The following FRMPD2 variants were observed in gnomAD, a reference collection of about 807,000 sequenced individuals.
The protein encoded by FRMPD2 is FERM and PDZ domain containing 2.
A neutral mutation model predicts 140.1 loss-of-function variants in FRMPD2; 96 were observed. That is an observed-to-expected ratio of 0.69 (90% CI 0.58 to 0.81). The LOEUF is 0.81. Among genes scored for constraint, FRMPD2 ranks in the 40% least tolerant of loss-of-function variants. FRMPD2 has a pLI of 0.00. For missense variants in FRMPD2, 1,240 were observed against 1,447.4 expected, an observed-to-expected ratio of 0.86 and a Z score of 2.32; for synonymous variants, 449 against 547.6, an observed-to-expected ratio of 0.82 and a Z score of 2.52.
intron 16 of FRMPD2, 22 bp from the exon 17 acceptor site, chr10:48,187,314 G>A: frequency 6.2e-7 from 1 of 1,606,464 alleles, no homozygotes; most frequent in Non-Finnish European, 8.5e-7. Context: ...AGAAAATGAG[G>A]TTAGATAAGG....
chr10:48,267,562 AATC>A (rs2131988474), intron 1 of FRMPD2, among the ~76,000 whole-genome samples: 1 of 152,380 alleles, frequency 6.6e-6, no homozygotes, highest in African/African-American at 2.4e-5. Flanking sequence ...AATATTGGCA[AATC>A]ATCAATCTGA....
chr10:48,182,401 G>A (rs1838573976), intron 20 of FRMPD2, among the ~76,000 whole-genome samples: 1 of 152,184 alleles, frequency 6.6e-6, no homozygotes, highest in Non-Finnish European at 1.5e-5. Context: ...ACCTTTTTTG[G>A]TAAAGGAAAC....
intron 10 of FRMPD2, among the ~76,000 whole-genome samples, chr10:48,228,859 A>G (rs990569324): frequency 1.3e-5 from 2 of 152,100 alleles, no homozygotes; most frequent in Admixed American, 1.3e-4. Context: ...ACAAATAAAT[A>G]AAGAAAAAAG....
chr10:48,263,175 A>T (rs117088050), intron 1 of FRMPD2, among the ~76,000 whole-genome samples: 6,334 of 152,290 alleles, frequency 0.042, 190 homozygotes, highest in Middle Eastern at 0.085. Flanking sequence ...AAGTACTTAT[A>T]CAGAGACTTC....
intron 1 of FRMPD2, among the ~76,000 whole-genome samples, chr10:48,273,421 C>A (rs543614666): frequency 2.6e-5 from 4 of 152,302 alleles, no homozygotes; most frequent in East Asian, 1.9e-4. Flanking sequence ...ATCAGATTCC[C>A]CTGTTCCCAC....
chr10:48,232,681 G>A (rs1345974025), intron 9 of FRMPD2, among the ~76,000 whole-genome samples: 7 of 152,136 alleles, frequency 4.6e-5, no homozygotes, highest in South Asian at 4.1e-4. Flanking sequence ...TCAATCTGTC[G>A]ATCTGACATT....
Position 48,239,738 on chromosome 10 carries a change from C to T in FRMPD2, c.701-46G>A, listed in dbSNP as rs111250769. ...AGGGTATGGGCAGAAGCCAAGATCACGGCTTTCTTAAATCAGGCATCTCAG... is the reference window on the plus strand; with the variant it reads ...AGGGTATGGGCAGAAGCCAAGATCATGGCTTTCTTAAATCAGGCATCTCAG... On this transcript the variant is annotated intron_variant, in intron 6 of 28. Coordinates refer to ENST00000374201, the MANE Select transcript of FRMPD2 (RefSeq NM_001018071.4). The T allele has an allele frequency of 8.6e-5, 124 of 1,443,828 alleles. 1 individual carries two copies. Among genetic ancestry groups the T allele is most frequent in the South Asian group, 4.0e-4 (35 of 86,510 alleles). The allele number at this position is 1,443,828 out of a possible 1,614,324, so 89.4% of individuals were successfully genotyped here. A position where few individuals can be genotyped will look rare whatever the true frequency, so the allele number is the denominator to read the frequency against.
At chr10:48,257,326 C>T (rs1328640335) in intron 1 of FRMPD2, among the ~76,000 whole-genome samples, 1 of 151,874 alleles carries the variant, frequency 6.6e-6, no homozygotes, top group Non-Finnish European at 1.5e-5. Flanking sequence ...CTCGCCCTGG[C>T]TGGAGTGTAG....
At chr10:48,213,632 T>C (rs538319143) in intron 12 of FRMPD2, among the ~76,000 whole-genome samples, 23 of 152,204 alleles carry the variant, frequency 1.5e-4, no homozygotes, top group Admixed American at 6.5e-4. Flanking sequence ...CAATGAAATA[T>C]TGTCCAGTGC....
intron 12 of FRMPD2, among the ~76,000 whole-genome samples, chr10:48,218,659 C>T (rs1303605749): frequency 6.6e-6 from 1 of 152,172 alleles, no homozygotes; most frequent in Non-Finnish European, 1.5e-5. Context: ...GATTTCCATG[C>T]CATTTCCAAG....
chr10:48,267,661 G>T (rs1306457861), intron 1 of FRMPD2, among the ~76,000 whole-genome samples: 1 of 152,114 alleles, frequency 6.6e-6, no homozygotes, highest in African/African-American at 2.4e-5. Context: ...ATGGGCAAAG[G>T]ACTCAAATAG....
chr10:48,260,088 G>A (rs1308655770), intron 1 of FRMPD2, among the ~76,000 whole-genome samples: 1 of 151,874 alleles, frequency 6.6e-6, no homozygotes, highest in African/African-American at 2.4e-5. Flanking sequence ...GACACCAGAA[G>A]GAGAAAATGG....
Position 48,232,249 on chromosome 10 carries a change from C to T in FRMPD2, c.1034G>A (p.Cys345Tyr), listed in dbSNP as rs1839868691. Residue 345 changes from cysteine (C) to tyrosine (Y), a missense_variant, in exon 10 of 29, where the codon TGT becomes TAT. By Grantham distance (194) the Cys-to-Tyr change is radical (BLOSUM62 -2). This residue lies in a region of FRMPD2 where 1,161 missense variants were observed against 1,055.9 expected (regional missense o/e 1.10). Coordinates refer to ENST00000374201, the MANE Select transcript of FRMPD2 (RefSeq NM_001018071.4). ...GKSYLALRDL[C>Y]VVLLNGQHLE... ...GTGCTGCCCGTTCAGCAGGACCACA[C>T]AGAGGTCCCTGAGAGCCAAATAGGA... 6.2e-7 allele frequency: 1 copy of T among 1,613,852 alleles called. No individual in the cohort carries two copies. Among genetic ancestry groups the T allele is most frequent in the East Asian group, 2.2e-5 (1 of 44,876 alleles).
intron 1 of FRMPD2, 192 bp from the exon 2 acceptor site, chr10:48,251,883 G>A (rs893478757): frequency 3.4e-5 from 20 of 579,772 alleles, no homozygotes; most frequent in Non-Finnish European, 4.5e-5. Context: ...ATGTTAATTG[G>A]AGGACTGACC....
rs563729141 is a variant in FRMPD2 at position 48,187,867 on chromosome 10, C to T, written c.2166-575G>A. Among the ~76,000 whole-genome samples, 3 of 152,286 alleles carry T rather than the reference C, an allele frequency of 2.0e-5. No homozygotes were observed. In the East Asian group the frequency reaches 5.8e-4, roughly 29 times the overall value. On this transcript the variant is annotated intron_variant, in intron 16 of 28. Coordinates refer to ENST00000374201, the MANE Select transcript of FRMPD2 (RefSeq NM_001018071.4). Reference sequence around the variant, plus strand: ...CCGCCTGATCATACCATGCTGTGAACAAGAAGCATTCATGCAGGCATTCAA... The same window carrying T: ...CCGCCTGATCATACCATGCTGTGAATAAGAAGCATTCATGCAGGCATTCAA...
At chr10:48,200,817 GTT>G (rs1362640844) in intron 15 of FRMPD2, among the ~76,000 whole-genome samples, 1 of 152,218 alleles carries the variant, frequency 6.6e-6, no homozygotes, top group Non-Finnish European at 1.5e-5. Flanking sequence ...GGTCTTCTAT[GTT>G]TGGATACTTA....
chr10:48,206,405 C>A (rs1043049643), intron 14 of FRMPD2, among the ~76,000 whole-genome samples: 1 of 152,170 alleles, frequency 6.6e-6, no homozygotes, highest in African/African-American at 2.4e-5. Context: ...CCATCTCCCA[C>A]CTCCAACTTT....
chr10:48,207,095 G>A (rs1283906548), intron 13 of FRMPD2, among the ~76,000 whole-genome samples, 162 bp from the exon 14 acceptor site: 1 of 150,934 alleles, frequency 6.6e-6, no homozygotes, highest in East Asian at 1.9e-4. Context: ...AGATTTATTT[G>A]CTATGTACAA....
rs372769683 is a variant in FRMPD2 at position 48,203,274 on chromosome 10, A to G, written c.1798-1890T>C. ...TCCAAGGTATCAAACACCAGAGTGG[A>G]ATGCTGATCCTATTTCTTGACATAA... On this transcript the variant is annotated intron_variant, in intron 14 of 28. Transcript: ENST00000374201. Among the ~76,000 whole-genome samples the G allele has an allele frequency of 3.9e-5, 6 of 152,310 alleles. No individual in the cohort carries two copies. In the South Asian group the frequency reaches 1.0e-3, roughly 26 times the overall value.
Sources: gnomAD v4.1 joint callset for allele counts (sites outside exome capture counted in the v4.1 genomes callset) on GRCh38, gnomAD v4.1.1 for gene constraint, gnomAD v4.1.1 regional missense constraint, MANE v1.5 for transcripts, NCBI Gene and HGNC (gene_info 2026-07-23, HGNC 2026-07-21) for gene names.